CCDC13: variants seen among roughly 807,000 people sequenced by gnomAD.
CCDC13 encodes coiled-coil domain containing 13, also known as coiled-coil domain-containing protein 13.
A neutral mutation model predicts 87.3 loss-of-function variants in CCDC13; 70 were observed. The observed-to-expected ratio is 0.80, with a 90% confidence interval of 0.66 to 0.98. The LOEUF (loss-of-function observed/expected upper bound fraction) is 0.98, where lower values mean the gene tolerates loss of function less well. CCDC13 is among the 50% of genes least tolerant of loss of function. CCDC13 has a pLI of 0.00. For missense variants in CCDC13, 842 were observed against 892.0 expected (o/e 0.94, Z 0.71); for synonymous variants, 317 against 360.3 (o/e 0.88, Z 1.36).
At position 42,742,944 on chromosome 3, in the gene CCDC13, G is replaced by T; in HGVS notation, c.939C>A (p.Asn313Lys). 3 of 1,614,110 alleles carry T rather than the reference G, an allele frequency of 1.9e-6. No individual in the cohort carries two copies. Among genetic ancestry groups the T allele is most frequent in the Non-Finnish European group, 1.7e-6 (2 of 1,179,994 alleles). Residue 313 changes from asparagine to lysine, a missense_variant, in exon 8 of 16, where the codon AAC (asparagine) becomes AAA (lysine). Transcript: ENST00000310232. ...DPRKLSAQEK[N>K]LLRIRSLERE... is the part of the protein sequence containing the mutation. The stretch of plus-strand genomic sequence containing the variant: ...TTTCCAGGCTGCGGATCCTCAGCAG[G>T]TTTTTCTCCTGTGCCGACAGCTTCC...
chr3:42,710,117 T>C (rs1385224723), intron 14 of CCDC13, among the ~76,000 whole-genome samples: 2 of 150,368 alleles, frequency 1.3e-5, no homozygotes, highest in Non-Finnish European at 3.0e-5. Flanking sequence ...TTTTTTCTTT[T>C]TTTTTTTTTT....
intron 14 of CCDC13, 132 bp from the exon 15 acceptor site, chr3:42,709,930 G>A (rs1483979681): frequency 9.0e-6 from 6 of 669,174 alleles, no homozygotes; most frequent in Non-Finnish European, 1.6e-5. Context: ...GGGGTGCAGG[G>A]CAACTCTGAG....
Position 42,735,758 on chromosome 3 carries a change from C to T in CCDC13, c.1320G>A (p.Arg440=), listed in dbSNP as rs1257942125. 1.2e-6 allele frequency: 2 copies of T among 1,614,102 alleles called. No homozygotes were observed. The highest frequency in any genetic ancestry group is 1.3e-5 in the African/African-American group (1 of 74,936). Reference sequence around the variant, plus strand: ...TCTCCAGCTGTCGCACTTTGGCCTCCCGCTCAGCTACCATGGCCTGCAGCT... The same window carrying T: ...TCTCCAGCTGTCGCACTTTGGCCTCTCGCTCAGCTACCATGGCCTGCAGCT... ...VAQLQAMVAE[R]EAKVRQLEME... is the part of the protein sequence containing the mutation. Residue 440 remains arginine (R), a synonymous_variant, in exon 10 of 16, where the codon CGG becomes CGA. Transcript: ENST00000310232.
At chr3:42,714,153 ACT>A (rs1698377960) in intron 13 of CCDC13, 2 of 152,140 alleles carry the variant, frequency 1.3e-5, no homozygotes, top group South Asian at 4.1e-4. Context: ...CTCCACAGCA[ACT>A]CTCTGAATAA....
intron 13 of CCDC13, among the ~76,000 whole-genome samples, chr3:42,728,047 T>C (rs1031901987): frequency 6.6e-6 from 1 of 152,272 alleles, no homozygotes; most frequent in African/African-American, 2.4e-5. Flanking sequence ...GAGACATATT[T>C]AGTGACTTTT....
At position 42,708,250 on chromosome 3, in the gene CCDC13, A is replaced by G. The variant is rs1450667848; in HGVS notation, c.*730T>C. On this transcript the variant is annotated 3_prime_UTR_variant, in exon 16 of 16. Coordinates refer to ENST00000310232, the MANE Select transcript of CCDC13 (RefSeq NM_144719.4). ...CTGGTTTTGGGGTCAGGCAGACTGC[A>G]GTTAAATATTAGCTCAGCTTCTTTC... 1.3e-5 allele frequency: 2 copies of G among 152,142 alleles called. No individual in the cohort carries two copies. The highest frequency in any genetic ancestry group is 2.4e-5 in the African/African-American group (1 of 41,400). The allele number at this position is 152,142 out of a possible 1,614,324, so 9.4% of individuals were successfully genotyped here.
rs185190352 is a variant in CCDC13 at position 42,731,283 on chromosome 3, G to T, written c.1596-694C>A. The stretch of plus-strand genomic sequence containing the variant: ...GGGCATAGGGAAGGCTGCAGAGCTG[G>T]GCAGTGTACTGAAAACTGGGCTGGG... On this transcript the variant is annotated intron_variant, in intron 12 of 15. Transcript: ENST00000310232. Among the ~76,000 whole-genome samples the T allele has an allele frequency of 4.1e-4, 62 of 151,842 alleles. No homozygotes were observed. In the East Asian group the frequency reaches 7.2e-3, roughly 18 times the overall value.
intron 7 of CCDC13, 75 bp downstream of exon 7, chr3:42,745,848 G>C: frequency 8.4e-7 from 1 of 1,190,988 alleles, no homozygotes; most frequent in East Asian, 2.3e-5. Flanking sequence ...AGGTCTCTAA[G>C]GGGGTCAGGG....
chr3:42,710,045 G>T (rs1470630683), intron 14 of CCDC13, among the ~76,000 whole-genome samples: 2 of 151,722 alleles, frequency 1.3e-5, no homozygotes, highest in Non-Finnish European at 2.9e-5. Context: ...TACCAGGGTG[G>T]TTCCTCACCA....
At chr3:42,768,835 C>T (rs541197697) in intron 1 of CCDC13, among the ~76,000 whole-genome samples, 1 of 151,260 alleles carries the variant, frequency 6.6e-6, no homozygotes, top group African/African-American at 2.4e-5. Flanking sequence ...TAAGAAAATA[C>T]CCCAGTTAAA....
chr3:42,767,295 A>G (rs190624356), intron 1 of CCDC13, among the ~76,000 whole-genome samples: 2 of 152,362 alleles, frequency 1.3e-5, no homozygotes, highest in African/African-American at 4.8e-5. Flanking sequence ...TGGAAAGCTC[A>G]AGTTAAAAAT....
chr3:42,761,751 G>A (rs992702947), intron 1 of CCDC13, among the ~76,000 whole-genome samples: 1 of 152,176 alleles, frequency 6.6e-6, no homozygotes, highest in Non-Finnish European at 1.5e-5. Context: ...TTTGGCCTCT[G>A]TGTCCTTCTA....
chr3:42,732,320 G>A (rs781769896), intron 12 of CCDC13, among the ~76,000 whole-genome samples: 4 of 152,184 alleles, frequency 2.6e-5, no homozygotes, highest in African/African-American at 4.8e-5. Context: ...GGCTTTGCCT[G>A]GAACCTGAGC....
intron 2 of CCDC13, 29 bp downstream of exon 2, chr3:42,758,096 C>CAA (rs58407095): frequency 4.3e-5 from 66 of 1,522,930 alleles, no homozygotes; most frequent in Non-Finnish European, 5.8e-5. Flanking sequence ...CACACACACA[C>CAA]CCCTGAGAGA....
At chr3:42,750,039 C>G in intron 5 of CCDC13, 1 of 429,744 alleles carries the variant, frequency 2.3e-6, no homozygotes, top group Non-Finnish European at 4.7e-6. Flanking sequence ...GAATTGAGAC[C>G]TGCGGCCCAT....
intron 5 of CCDC13, chr3:42,749,772 A>G (rs1699523516): frequency 2.4e-6 from 1 of 409,926 alleles, no homozygotes; most frequent in Non-Finnish European, 5.0e-6. Context: ...TGAGAAAATA[A>G]CTAAAGCGCA....
At chr3:42,769,677 G>A (rs779523737) in intron 1 of CCDC13, among the ~76,000 whole-genome samples, 6 of 152,260 alleles carry the variant, frequency 3.9e-5, no homozygotes, top group South Asian at 4.1e-4. Flanking sequence ...GGCCAAGGCC[G>A]GAGCTGGCTC....
chr3:42,746,085 T>C, intron 6 of CCDC13, 58 bp from the exon 7 acceptor site: 1 of 1,220,896 alleles, frequency 8.2e-7, no homozygotes, highest in Non-Finnish European at 1.2e-6. Context: ...CAGACCCTGA[T>C]GCTGCTACGT....
chr3:42,740,081 C>T (rs1191992336), intron 8 of CCDC13, among the ~76,000 whole-genome samples: 1 of 152,136 alleles, frequency 6.6e-6, no homozygotes, highest in Non-Finnish European at 1.5e-5. Flanking sequence ...CACAGACTTC[C>T]TAGCACATGA....
Sources: allele counts gnomAD v4.1 joint callset (sites outside exome capture counted in the v4.1 genomes callset), GRCh38; gene constraint gnomAD v4.1.1; transcripts MANE v1.5; gene names NCBI Gene and HGNC (gene_info 2026-07-23, HGNC 2026-07-21).